SRBD1: variants seen among roughly 807,000 people sequenced by gnomAD.
SRBD1 encodes the protein S1 RNA binding domain 1, also known as S1 RNA-binding domain-containing protein 1.
Under a neutral mutation model 115.3 loss-of-function variants are expected in SRBD1, and 88 were observed. That is an observed-to-expected ratio of 0.76 (90% CI 0.64 to 0.91). SRBD1 has a LOEUF of 0.91. SRBD1 is among the 40% of genes least tolerant of loss of function. The pLI is 0.00. For missense variants in SRBD1, 1,385 were observed against 1,177.4 expected, an observed-to-expected ratio of 1.18 and a Z score of -2.58; for synonymous variants, 509 against 407.7, an observed-to-expected ratio of 1.25 and a Z score of -2.99.
chr2:45,391,194 C>T (rs1383541177), intron 20 of SRBD1, among the ~76,000 whole-genome samples: 1 of 152,168 alleles, frequency 6.6e-6, no homozygotes, highest in Non-Finnish European at 1.5e-5. Context: ...TTCCTGAAGA[C>T]AGTTGGGGAC....
At chr2:45,409,947 TA>T (rs1667549332) in intron 19 of SRBD1, among the ~76,000 whole-genome samples, 1 of 152,024 alleles carries the variant, frequency 6.6e-6, no homozygotes. Flanking sequence ...TTTTTGTCTC[TA>T]AAAAAATAGA....
intron 9 of SRBD1, among the ~76,000 whole-genome samples, chr2:45,563,825 A>G (rs1463083995): frequency 1.3e-5 from 2 of 152,202 alleles, no homozygotes; most frequent in Non-Finnish European, 2.9e-5. Context: ...TCCCACAAAT[A>G]AATGTCCAGG....
In SRBD1 at chr2:45,545,283, TAAAAAAAAAAAA is replaced by T. The variant is rs56909656; in HGVS notation, c.1874+1437_1874+1448del. Reference sequence around the variant, plus strand: ...TGACAGAGCGAGACTCTGTCTCAATTAAAAAAAAAAAAAAAAAAAAAAAAAAAAAAAACAGAT... The same window carrying T: ...TGACAGAGCGAGACTCTGTCTCAATTAAAAAAAAAAAAAAAAAAAACAGAT... On this transcript the variant is annotated intron_variant, in intron 14 of 20. Transcript: ENST00000263736. Among the ~76,000 whole-genome samples, 99 of 68,576 alleles carry T rather than the reference TAAAAAAAAAAAA, an allele frequency of 1.4e-3. 1 individual carries two copies. Among genetic ancestry groups the T allele is most frequent in the Non-Finnish European group, 1.7e-3 (69 of 41,154 alleles). The allele number at this position is 68,576 out of a possible 152,430, so 45.0% of individuals were successfully genotyped here.
intron 16 of SRBD1, 74 bp downstream of exon 16, chr2:45,476,919 A>G (rs1669820263): frequency 7.3e-7 from 1 of 1,371,654 alleles, no homozygotes; most frequent in East Asian, 2.3e-5. Flanking sequence ...CAGACACTTA[A>G]TTACTATCCC....
At chr2:45,455,864 C>T (rs1669136193) in intron 16 of SRBD1, among the ~76,000 whole-genome samples, 1 of 151,780 alleles carries the variant, frequency 6.6e-6, no homozygotes, top group African/African-American at 2.4e-5. Context: ...CACTGCTAAC[C>T]CTGTGCATTT....
At chr2:45,389,746 C>T in intron 20 of SRBD1, 147 bp from the exon 21 acceptor site, 2 of 783,302 alleles carry the variant, frequency 2.6e-6, no homozygotes, top group Admixed American at 2.9e-5. Context: ...CAGACCAACG[C>T]TTGCCTTCAG....
intron 19 of SRBD1, among the ~76,000 whole-genome samples, chr2:45,396,962 C>G (rs1032630200): frequency 6.6e-6 from 1 of 152,116 alleles, no homozygotes; most frequent in African/African-American, 2.4e-5. Context: ...CCACCAAGAA[C>G]CATGCTATAA....
At chr2:45,407,838 A>T (rs929666632) in intron 19 of SRBD1, among the ~76,000 whole-genome samples, 2 of 152,100 alleles carry the variant, frequency 1.3e-5, no homozygotes, top group African/African-American at 4.8e-5. Flanking sequence ...AAAGGGCTTT[A>T]ATATTCAAAG....
intron 17 of SRBD1, among the ~76,000 whole-genome samples, chr2:45,418,912 TAGA>T (rs1251898723): frequency 6.6e-6 from 1 of 152,224 alleles, no homozygotes; most frequent in Non-Finnish European, 1.5e-5. Flanking sequence ...CAAAGTGAGT[TAGA>T]AGAAGTTATA....
intron 16 of SRBD1, among the ~76,000 whole-genome samples, chr2:45,426,314 G>C (rs1303179598): frequency 1.3e-5 from 2 of 152,196 alleles, no homozygotes; most frequent in East Asian, 3.8e-4. Flanking sequence ...CTCCCCTCTG[G>C]GCAGGGCATC....
intron 12 of SRBD1, 40 bp downstream of exon 12, chr2:45,551,085 A>G (rs1672283106): frequency 6.4e-7 from 1 of 1,559,924 alleles, no homozygotes; most frequent in African/African-American, 1.4e-5. Context: ...CTTATAACCA[A>G]CCAAACAACT....
intron 14 of SRBD1, among the ~76,000 whole-genome samples, chr2:45,532,583 C>G (rs538863274): frequency 6.6e-6 from 1 of 151,874 alleles, no homozygotes; most frequent in South Asian, 2.1e-4. Context: ...CTTTAATCCC[C>G]CATGCCCTTG....
At chr2:45,459,527 G>T (rs1473252197) in intron 16 of SRBD1, among the ~76,000 whole-genome samples, 1 of 152,090 alleles carries the variant, frequency 6.6e-6, no homozygotes, top group Non-Finnish European at 1.5e-5. Context: ...ATGATTCAGT[G>T]AATATTTGAT....
intron 16 of SRBD1, among the ~76,000 whole-genome samples, chr2:45,426,771 G>A (rs1668167592): frequency 6.6e-6 from 1 of 152,150 alleles, no homozygotes; most frequent in African/African-American, 2.4e-5. Context: ...CTATTAGAAG[G>A]AAAACTAACA....
chr2:45,591,251 T>C (rs1301768795), intron 4 of SRBD1, among the ~76,000 whole-genome samples: 1 of 152,060 alleles, frequency 6.6e-6, no homozygotes, highest in Admixed American at 6.6e-5. Flanking sequence ...GATAACCTAG[T>C]TCATCTGGTC....
Position 45,440,516 on chromosome 2 carries a change from C to CTGGA in SRBD1, c.2050-20623_2050-20622insTCCA, listed in dbSNP as rs1431022626. On this transcript the variant is annotated intron_variant, in intron 16 of 20. Coordinates refer to ENST00000263736, the MANE Select transcript of SRBD1 (RefSeq NM_018079.5). ...CTGAACTGGACCACACCTATCTGCC[C>CTGGA]CCATGTGTGGTCACTGGGCTAAAAC... 3.9e-5 allele frequency among the ~76,000 whole-genome samples: 6 copies of CTGGA among 152,244 alleles called. No individual in the cohort carries two copies. In the South Asian group the frequency reaches 1.2e-3, roughly 32 times the overall value.
chr2:45,608,306 G>T lies in SRBD1; in HGVS notation c.1-2865C>A, dbSNP rs1049737798. On this transcript the variant is annotated intron_variant, in intron 1 of 20. Coordinates refer to ENST00000263736, the MANE Select transcript of SRBD1 (RefSeq NM_018079.5). The stretch of plus-strand genomic sequence containing the variant: ...AAATGTTAAAAATATCAATGTAAAA[G>T]GAAAGGTGGGAAAGCAGAATCTGCA... Among the ~76,000 whole-genome samples, 9 of 152,156 alleles carry T rather than the reference G, an allele frequency of 5.9e-5. No individual in the cohort carries two copies. In the East Asian group the frequency reaches 9.6e-4, roughly 16 times the overall value.
chr2:45,546,730 A>T lies in SRBD1; in HGVS notation c.1874+2T>A. 6.2e-7 allele frequency: 1 copy of T among 1,613,622 alleles called. No individual in the cohort carries two copies. Among genetic ancestry groups the T allele is most frequent in the Non-Finnish European group, 8.5e-7 (1 of 1,179,546 alleles). ...GAAAAGAGATATATGTAATAGCCTTACCAGTAAACAACATCCAGTGGTGCA... is the reference window on the plus strand; with the variant it reads ...GAAAAGAGATATATGTAATAGCCTTTCCAGTAAACAACATCCAGTGGTGCA... On this transcript the variant is annotated splice_donor_variant, in intron 14 of 20. Coordinates refer to ENST00000263736, the MANE Select transcript of SRBD1 (RefSeq NM_018079.5). LOFTEE classifies it high-confidence loss of function.
rs1224029867 is a variant in SRBD1, at chr2:45,605,925, A to G, written c.1-484T>C. Among the ~76,000 whole-genome samples, 5 of 151,734 alleles carry G rather than the reference A, an allele frequency of 3.3e-5. No homozygotes were observed. In the South Asian group the frequency reaches 6.2e-4, roughly 19 times the overall value. ...TCTCAAAAAAAAAAAAAAAAGAAAA[A>G]AAAAGAGTAGCTAACAGCCTTCCAA... On this transcript the variant is annotated intron_variant, in intron 1 of 20. Coordinates refer to ENST00000263736, the MANE Select transcript of SRBD1 (RefSeq NM_018079.5).
Sources: gnomAD v4.1 joint callset for allele counts (sites outside exome capture counted in the v4.1 genomes callset) on GRCh38, gnomAD v4.1.1 for gene constraint, MANE v1.5 for transcripts, NCBI Gene and HGNC (gene_info 2026-07-23, HGNC 2026-07-21) for gene names.